CCDC85A: variants seen among roughly 807,000 people sequenced by gnomAD.
The protein encoded by CCDC85A is coiled-coil domain containing 85A.
In CCDC85A, 38 loss-of-function variants were observed where a neutral mutation model predicts 50.2. The ratio of observed to expected loss-of-function variants is 0.76; its 90% CI spans 0.58 to 0.99. CCDC85A has a LOEUF of 0.99. Ranked by LOEUF, CCDC85A falls within the 50% of genes least tolerant of loss-of-function variation. The pLI is 0.00. For missense variants in CCDC85A, 820 were observed against 742.0 expected (o/e 1.11, Z -1.22); for synonymous variants, 366 against 301.4 (o/e 1.21, Z -2.22).
At chr2:56,310,772 A>G (rs981454386) in intron 2 of CCDC85A, among the ~76,000 whole-genome samples, 3 of 152,138 alleles carry the variant, frequency 2.0e-5, no homozygotes, top group African/African-American at 4.8e-5. Context: ...TGCTAGATGG[A>G]AGCAAGGTTA....
chr2:56,252,294 C>A (rs1177209346), intron 2 of CCDC85A, among the ~76,000 whole-genome samples: 4 of 152,242 alleles, frequency 2.6e-5, no homozygotes, highest in East Asian at 3.9e-4. Flanking sequence ...GATCCACCTG[C>A]CTCGGCCTCT....
rs70955011 is a variant in CCDC85A at position 56,189,297 on chromosome 2, G to GTTTTTTTTTTTTTTT, written c.277-3179_277-3165dup. Among the ~76,000 whole-genome samples the GTTTTTTTTTTTTTTT allele has an allele frequency of 1.1e-3, 137 of 121,910 alleles. 5 individuals carry two copies. The highest frequency in any genetic ancestry group is 2.3e-3 in the African/African-American group (67 of 29,208). 80.0% of individuals were successfully genotyped at this position (121,910 alleles called of 152,430 possible). A position where few individuals can be genotyped will look rare whatever the true frequency, so the allele number is the denominator to read the frequency against. ...AAAACATGCACGGGGTATTTTTGGT[G>GTTTTTTTTTTTTTTT]TTTTTTTTTTTTTTTGAGACAAGGT... On this transcript the variant is annotated intron_variant, in intron 1 of 5. Coordinates refer to ENST00000407595, the MANE Select transcript of CCDC85A (RefSeq NM_001080433.2).
At chr2:56,292,785 G>A (rs1012480532) in intron 2 of CCDC85A, among the ~76,000 whole-genome samples, 3 of 152,114 alleles carry the variant, frequency 2.0e-5, no homozygotes, top group Non-Finnish European at 4.4e-5. Flanking sequence ...TTTGTTTCTG[G>A]CTGAGTATCA....
chr2:56,258,452 G>A (rs868588561), intron 2 of CCDC85A, among the ~76,000 whole-genome samples: 2 of 152,252 alleles, frequency 1.3e-5, no homozygotes, highest in Admixed American at 1.3e-4. Flanking sequence ...ACCACCCCTC[G>A]TCAGACTTCA....
intron 2 of CCDC85A, among the ~76,000 whole-genome samples, chr2:56,330,822 C>T (rs2104291888): frequency 6.6e-6 from 1 of 152,110 alleles, no homozygotes; most frequent in East Asian, 1.9e-4. Context: ...AGAAATTTCC[C>T]AGAGAACTAA....
intron 2 of CCDC85A, among the ~76,000 whole-genome samples, chr2:56,320,677 C>G (rs992423211): frequency 7.2e-5 from 11 of 152,214 alleles, no homozygotes; most frequent in African/African-American, 2.6e-4. Flanking sequence ...AAGTCCAGGA[C>G]CAGATGGATT....
chr2:56,266,978 T>C (rs1477959183), intron 2 of CCDC85A, among the ~76,000 whole-genome samples: 2 of 152,116 alleles, frequency 1.3e-5, no homozygotes, highest in Non-Finnish European at 2.9e-5. Flanking sequence ...AGCAAGATAT[T>C]TGTGGTTTTT....
intron 2 of CCDC85A, among the ~76,000 whole-genome samples, chr2:56,332,286 T>C (rs13417930): frequency 0.2 from 29,958 of 151,990 alleles, 4,126 homozygotes; most frequent in African/African-American, 0.39. Context: ...ATAGTCCTTT[T>C]GGGCTGATAC....
At chr2:56,365,077 T>C (rs369083132) in intron 3 of CCDC85A, among the ~76,000 whole-genome samples, 1 of 152,168 alleles carries the variant, frequency 6.6e-6, no homozygotes, top group East Asian at 1.9e-4. Context: ...CTTTTGCTAC[T>C]CTGGGCCTCA....
intron 5 of CCDC85A, among the ~76,000 whole-genome samples, chr2:56,377,041 A>T (rs1676368756): frequency 6.6e-6 from 1 of 152,252 alleles, no homozygotes; most frequent in East Asian, 1.9e-4. Context: ...TTGCTCCCTC[A>T]GGATATTTTG....
chr2:56,203,009 G>A (rs969007514), intron 2 of CCDC85A, among the ~76,000 whole-genome samples: 7 of 152,190 alleles, frequency 4.6e-5, no homozygotes, highest in African/African-American at 1.7e-4. Context: ...GCAATTGTGA[G>A]ACATCAGTTT....
chr2:56,363,530 T>G (rs914418565), intron 3 of CCDC85A, among the ~76,000 whole-genome samples: 2 of 152,168 alleles, frequency 1.3e-5, no homozygotes, highest in African/African-American at 4.8e-5. Flanking sequence ...TCTATTGACC[T>G]CTCTCTTGTC....
Position 56,184,908 on chromosome 2 carries a change from C to T in CCDC85A, c.276+8C>T, listed in dbSNP as rs750912243. The T allele has an allele frequency of 1.4e-4, 210 of 1,494,530 alleles. No homozygotes were observed. Among genetic ancestry groups the T allele is most frequent in the Non-Finnish European group, 1.8e-4 (205 of 1,126,448 alleles). 92.6% of individuals were successfully genotyped at this position (1,494,530 alleles called of 1,614,324 possible). A position where few individuals can be genotyped will look rare whatever the true frequency, so the allele number is the denominator to read the frequency against. On this transcript the variant is annotated splice_region_variant and intron_variant, in intron 1 of 5. Transcript: ENST00000407595. ...GAGATCCGCGGCCTCAAGGTGAGCG[C>T]GGGCCAGGTGGGGAGGCGCGGCGCG...
chr2:56,232,014 C>A (rs999885725), intron 2 of CCDC85A, among the ~76,000 whole-genome samples: 4 of 152,076 alleles, frequency 2.6e-5, no homozygotes, highest in Non-Finnish European at 5.9e-5. Context: ...TTTGGTGTTA[C>A]TCCTCTGCTT....
intron 3 of CCDC85A, among the ~76,000 whole-genome samples, chr2:56,363,937 A>G (rs1369133261): frequency 6.6e-6 from 1 of 152,214 alleles, no homozygotes; most frequent in African/African-American, 2.4e-5. Flanking sequence ...GTATTCAGAT[A>G]TGTTCTCAGC....
rs530670627 is a variant in CCDC85A at position 56,255,802 on chromosome 2, T to A, written c.1240+62362T>A. Among the ~76,000 whole-genome samples, 35 of 152,148 alleles carry A rather than the reference T, an allele frequency of 2.3e-4. 1 individual carries two copies. Among genetic ancestry groups the A allele is most frequent in the African/African-American group, 8.4e-4 (35 of 41,502 alleles). ...TTTATGAGGGATAGAGGAGAATAAATCCTGAACATGGTGATAGGTACAGAA... is the reference window on the plus strand; with the variant it reads ...TTTATGAGGGATAGAGGAGAATAAAACCTGAACATGGTGATAGGTACAGAA... On this transcript the variant is annotated intron_variant, in intron 2 of 5. Transcript: ENST00000407595.
intron 2 of CCDC85A, among the ~76,000 whole-genome samples, chr2:56,228,534 T>A (rs144727217): frequency 0.014 from 1,945 of 141,236 alleles, 19 homozygotes; most frequent in African/African-American, 0.021. Flanking sequence ...TTTTTTATTT[T>A]TTTATTTATT....
intron 2 of CCDC85A, among the ~76,000 whole-genome samples, chr2:56,304,292 A>G (rs980121574): frequency 6.6e-6 from 1 of 152,200 alleles, no homozygotes; most frequent in Admixed American, 6.5e-5. Context: ...TAGAACTGGC[A>G]TTTCAAACAA....
At chr2:56,281,175 T>C (rs1671190666) in intron 2 of CCDC85A, among the ~76,000 whole-genome samples, 1 of 152,192 alleles carries the variant, frequency 6.6e-6, no homozygotes, top group Non-Finnish European at 1.5e-5. Flanking sequence ...GAGCTTAAAG[T>C]AAACAGAACC....
Sources: gnomAD v4.1 joint callset for allele counts (sites outside exome capture counted in the v4.1 genomes callset) on GRCh38, gnomAD v4.1.1 for gene constraint, MANE v1.5 for transcripts, NCBI Gene and HGNC (gene_info 2026-07-23, HGNC 2026-07-21) for gene names.